The following KDM4C variants were observed in gnomAD, a reference collection of about 807,000 sequenced individuals.
KDM4C encodes lysine demethylase 4C, also known as lysine-specific demethylase 4C.
Under a neutral mutation model 129.3 loss-of-function variants are expected in KDM4C, and 81 were observed. The observed-to-expected ratio is 0.63, with a 90% CI of 0.52 to 0.75. The LOEUF is 0.75. Ranked by LOEUF, KDM4C falls within the 30% of genes least tolerant of loss-of-function variation. The pLI is 0.00. For missense variants in KDM4C, 1,457 were observed against 1,304.0 expected (o/e 1.12, Z -1.81); for synonymous variants, 573 against 456.1 (o/e 1.26, Z -3.26).
At position 6,743,554 on chromosome 9, in the gene KDM4C, C is replaced by G. The variant is rs561554469; in HGVS notation, c.49+22557C>G. 1.2e-4 allele frequency among the ~76,000 whole-genome samples: 18 copies of G among 151,460 alleles called. No homozygotes were observed. The East Asian group carries it at 2.1e-3, about 18-fold the overall frequency. Reference sequence around the variant, plus strand: ...AGGGAGTCTCACTCTGTCACCCAGGCTGGAGTGCAGTGGTGGGATCTTGGC... The same window carrying G: ...AGGGAGTCTCACTCTGTCACCCAGGGTGGAGTGCAGTGGTGGGATCTTGGC... On this transcript the variant is annotated intron_variant, in intron 1 of 17. Coordinates refer to the KDM4C transcript ENST00000536108.
At chr9:7,109,089 G>A (rs578082829) in intron 18 of KDM4C, among the ~76,000 whole-genome samples, 7 of 152,310 alleles carry the variant, frequency 4.6e-5, no homozygotes, top group Non-Finnish European at 7.4e-5. Context: ...TAGGGTAGAA[G>A]TGAATGCAGC....
chr9:6,910,388 C>A, intron 8 of KDM4C, among the ~76,000 whole-genome samples: 1 of 152,046 alleles, frequency 6.6e-6, no homozygotes, highest in South Asian at 2.1e-4. Flanking sequence ...AATGTTATTA[C>A]CCCCATCTTA....
At position 7,049,114 on chromosome 9, in the gene KDM4C, G is replaced by A. The variant is rs759872977; in HGVS notation, c.2338G>A (p.Val780Ile). ...TAGGTGGGCCCATGTCATGTGCGCCGTTGCGGTCCCAGAAGTTCGATTCAC... is the reference window on the plus strand; with the variant it reads ...TAGGTGGGCCCATGTCATGTGCGCCATTGCGGTCCCAGAAGTTCGATTCAC... Reference protein sequence around the residue: ...NNKWAHVMCAVAVPEVRFTNV... With the variant: ...NNKWAHVMCAIAVPEVRFTNV... Residue 780 changes from valine to isoleucine, a missense_variant, in exon 17 of 22, where the codon GTT (valine) becomes ATT (isoleucine). Physicochemically the swap from Val to Ile is conservative, Grantham distance 29. Coordinates refer to ENST00000381309, the MANE Select transcript of KDM4C (RefSeq NM_015061.6). 63 of 1,612,050 alleles carry A rather than the reference G, an allele frequency of 3.9e-5. No homozygotes were observed. The highest frequency in any genetic ancestry group is 1.6e-4 in the Middle Eastern group (1 of 6,068).
intron 1 of KDM4C, among the ~76,000 whole-genome samples, chr9:6,775,478 T>C (rs1463954214): frequency 2.6e-5 from 4 of 152,148 alleles, no homozygotes; most frequent in Non-Finnish European, 4.4e-5. Context: ...AACATTATTG[T>C]ACATGTCTAT....
intron 15 of KDM4C, among the ~76,000 whole-genome samples, chr9:7,024,838 G>C (rs936073437): frequency 6.6e-6 from 1 of 151,976 alleles, no homozygotes; most frequent in Non-Finnish European, 1.5e-5. Context: ...TAATCCTTTG[G>C]GTATATATCC....
intron 2 of KDM4C, among the ~76,000 whole-genome samples, chr9:6,801,714 A>G (rs1469225840): frequency 6.6e-6 from 1 of 152,100 alleles, no homozygotes; most frequent in Non-Finnish European, 1.5e-5. Flanking sequence ...TTGGATATAT[A>G]AAAGAATATA....
intron 5 of KDM4C, among the ~76,000 whole-genome samples, chr9:6,862,728 T>A (rs745363567): frequency 2.6e-5 from 4 of 151,944 alleles, no homozygotes; most frequent in Non-Finnish European, 1.5e-5. Context: ...AATTGCTTGA[T>A]CCCGGGAGGA....
intron 17 of KDM4C, among the ~76,000 whole-genome samples, chr9:7,075,655 C>T (rs965271178): frequency 4.6e-5 from 7 of 152,114 alleles, no homozygotes; most frequent in African/African-American, 1.7e-4. Context: ...AACCTTCCAG[C>T]CAGCAAAATC....
chr9:7,105,265 C>G lies in KDM4C; in HGVS notation c.2610+1395C>G, dbSNP rs978110787. 5.2e-5 allele frequency: 17 copies of G among 327,648 alleles called. No homozygotes were observed. In the East Asian group the frequency reaches 1.2e-3, roughly 23 times the overall value. The allele number at this position is 327,648 out of a possible 1,614,324, so 20.3% of individuals were successfully genotyped here. A position where few individuals can be genotyped will look rare whatever the true frequency, so the allele number is the denominator to read the frequency against. On this transcript the variant is annotated intron_variant, in intron 18 of 21. Transcript: ENST00000381309. ...TGAGATGTGAACAAGGTCGTGACCTCTGAAGTCAGAGTAGTTGGTGTTCAC... is the reference window on the plus strand; with the variant it reads ...TGAGATGTGAACAAGGTCGTGACCTGTGAAGTCAGAGTAGTTGGTGTTCAC...
chr9:7,156,889 G>A (rs1009417734), intron 19 of KDM4C, among the ~76,000 whole-genome samples: 7 of 152,230 alleles, frequency 4.6e-5, no homozygotes, highest in Non-Finnish European at 1.0e-4. Flanking sequence ...ATTCTGTGAA[G>A]AAAGTCATTG....
chr9:6,913,812 C>T (rs1296507460), intron 8 of KDM4C, among the ~76,000 whole-genome samples: 2 of 152,106 alleles, frequency 1.3e-5, no homozygotes, highest in East Asian at 1.9e-4. Flanking sequence ...TATTTGACAT[C>T]CTTTGAGGCC....
intron 8 of KDM4C, chr9:6,925,120 T>C (rs1276903813): frequency 2.9e-5 from 29 of 985,304 alleles, no homozygotes; most frequent in African/African-American, 8.7e-5. Context: ...TTTTCCTCTT[T>C]GAACTCTTTC....
intron 12 of KDM4C, among the ~76,000 whole-genome samples, chr9:6,990,797 T>A (rs559491230): frequency 1.8e-4 from 28 of 152,340 alleles, no homozygotes; most frequent in African/African-American, 6.5e-4. Context: ...TTTAGGGTTC[T>A]ACAGAAGAAG....
At chr9:6,730,129 AG>A (rs1255032130) in intron 1 of KDM4C, among the ~76,000 whole-genome samples, 1 of 150,600 alleles carries the variant, frequency 6.6e-6, no homozygotes, top group Non-Finnish European at 1.5e-5. Context: ...AAAAAAAAAA[AG>A]GCTTGTCAGT....
intron 17 of KDM4C, among the ~76,000 whole-genome samples, chr9:7,081,461 T>C (rs1212831888): frequency 2.0e-5 from 3 of 152,154 alleles, no homozygotes; most frequent in Non-Finnish European, 4.4e-5. Flanking sequence ...TCACCGTGTG[T>C]GAGGAACAGC....
intron 19 of KDM4C, among the ~76,000 whole-genome samples, chr9:7,147,184 GC>G (rs1842294857): frequency 6.6e-6 from 1 of 152,204 alleles, no homozygotes; most frequent in South Asian, 2.1e-4. Flanking sequence ...AGTAGCTTAT[GC>G]ACAGTAATGG....
intron 5 of KDM4C, among the ~76,000 whole-genome samples, chr9:6,879,020 C>G (rs1844029251): frequency 6.6e-6 from 1 of 152,150 alleles, no homozygotes; most frequent in South Asian, 2.1e-4. Context: ...TAGTGAATTG[C>G]ATAGTTATAT....
At chr9:6,968,969 C>G (rs1468039730) in intron 8 of KDM4C, among the ~76,000 whole-genome samples, 2 of 152,102 alleles carry the variant, frequency 1.3e-5, no homozygotes, top group African/African-American at 4.8e-5. Flanking sequence ...CAGAGTCTTG[C>G]TCTGTCACCC....
At chr9:6,826,081 G>A (rs924565389) in intron 4 of KDM4C, among the ~76,000 whole-genome samples, 3 of 152,236 alleles carry the variant, frequency 2.0e-5, no homozygotes, top group East Asian at 3.9e-4. Flanking sequence ...CAAAGTTACG[G>A]GATTACTGGC....
Sources: allele counts gnomAD v4.1 joint callset (sites outside exome capture counted in the v4.1 genomes callset), GRCh38; gene constraint gnomAD v4.1.1; transcripts MANE v1.5; gene names NCBI Gene and HGNC (gene_info 2026-07-23, HGNC 2026-07-21).